Variants in DAGLA observed in about 807,000 individuals in gnomAD.
DAGLA encodes the protein diacylglycerol lipase-alpha.
In DAGLA, 22 loss-of-function variants were observed where a neutral mutation model predicts 102.6. The observed-to-expected ratio is 0.21, with a 90% CI of 0.15 to 0.31. DAGLA has a LOEUF of 0.31. Among genes scored for constraint, DAGLA ranks in the 10% least tolerant of loss-of-function variants. DAGLA has a pLI of 1.00. For synonymous variants in DAGLA, 578 were observed against 628.9 expected (o/e 0.92, Z 1.21); for missense variants, 927 against 1,446.6 (o/e 0.64, Z 5.83).
intron 3 of DAGLA, among the ~76,000 whole-genome samples, chr11:61,721,134 G>A (rs755026340): frequency 2.0e-5 from 3 of 152,210 alleles, no homozygotes; most frequent in Non-Finnish European, 4.4e-5. Context: ...GGTGGCTCAT[G>A]CCTGTAATCC....
intron 1 of DAGLA, among the ~76,000 whole-genome samples, chr11:61,710,247 GGA>G (rs1227039792): frequency 2.6e-5 from 4 of 151,934 alleles, no homozygotes; most frequent in African/African-American, 9.7e-5. Context: ...GGCCATCTGG[GGA>G]GTGAGGTCCC....
intron 1 of DAGLA, among the ~76,000 whole-genome samples, chr11:61,714,792 G>A (rs1334711169): frequency 6.6e-6 from 1 of 152,200 alleles, no homozygotes; most frequent in Non-Finnish European, 1.5e-5. Context: ...TTTTAACTCT[G>A]ACCTTTGTTA....
chr11:61,702,857 G>A (rs2065119726), intron 1 of DAGLA, among the ~76,000 whole-genome samples: 3 of 152,250 alleles, frequency 2.0e-5, no homozygotes, highest in Admixed American at 2.0e-4. Flanking sequence ...CATTACCACA[G>A]GCAAATCACC....
chr11:61,697,889 GTC>G (rs2065079437), intron 1 of DAGLA, among the ~76,000 whole-genome samples: 2 of 152,054 alleles, frequency 1.3e-5, no homozygotes, highest in Non-Finnish European at 2.9e-5. Context: ...GTAGCCAGGT[GTC>G]TCTGCAGTGA....
chr11:61,718,231 C>T (rs1216266737), intron 1 of DAGLA, among the ~76,000 whole-genome samples: 1 of 152,136 alleles, frequency 6.6e-6, no homozygotes, highest in Non-Finnish European at 1.5e-5. Context: ...TCCCTCCTCC[C>T]CTGGTCTGGC....
At chr11:61,727,178 C>A (rs187222170) in intron 6 of DAGLA, among the ~76,000 whole-genome samples, 2 of 152,204 alleles carry the variant, frequency 1.3e-5, no homozygotes, top group African/African-American at 4.8e-5. Context: ...TTTTGATCAG[C>A]GTGTGTTGTG....
intron 1 of DAGLA, among the ~76,000 whole-genome samples, chr11:61,704,122 T>TC (rs1555040982): frequency 1.2e-3 from 3 of 2,486 alleles, no homozygotes; most frequent in South Asian, 0.083. Flanking sequence ...AGAGAATTTC[T>TC]TTTTTTTTTT....
In DAGLA at chr11:61,723,468, T is replaced by C; in HGVS notation, c.444T>C (p.Ser148=). ...TCTGCAACTGGGTAGTCATCCTCAG[T>C]GTGTGCATCACTGTCCTCTGCGTCT... ...MVVCNWVVIL[S]VCITVLCVFD... The change falls in exon 5 of 20, where the codon AGT becomes AGC. Residue 148 remains serine (S), a synonymous_variant. Coordinates refer to ENST00000257215, the MANE Select transcript of DAGLA (RefSeq NM_006133.3). The C allele has an allele frequency of 6.2e-7, 1 of 1,614,046 alleles. No homozygotes were observed. The highest frequency in any genetic ancestry group is 8.5e-7 in the Non-Finnish European group (1 of 1,179,906).
In DAGLA at chr11:61,720,862, C is replaced by T. The variant is rs1206788279; in HGVS notation, c.279C>T (p.Ser93=). Residue 93 remains serine (S), a synonymous_variant, in exon 3 of 20, where the codon TCC becomes TCT. Transcript: ENST00000257215. The part of the protein sequence containing the change: ...GGILYTEPRD[S]MQYVLYVRLA... ...TCCTCTACACGGAGCCCCGTGACTC[C>T]ATGCAGTACGTGCTCTACGTGCGCC... 16 of 1,613,314 alleles carry T rather than the reference C, an allele frequency of 9.9e-6. No individual in the cohort carries two copies. The Admixed American group carries it at 2.0e-4, about 20-fold the overall frequency.
intron 1 of DAGLA, among the ~76,000 whole-genome samples, chr11:61,719,515 T>G (rs898552113): frequency 2.0e-5 from 3 of 152,244 alleles, no homozygotes; most frequent in African/African-American, 7.2e-5. Flanking sequence ...AGCAGGAAAC[T>G]GAAGCCTTCA....
chr11:61,705,709 C>A (rs2065143662), intron 1 of DAGLA, among the ~76,000 whole-genome samples: 1 of 152,236 alleles, frequency 6.6e-6, no homozygotes, highest in South Asian at 2.1e-4. Flanking sequence ...CACCCAATCC[C>A]TGGCACATAG....
intron 6 of DAGLA, among the ~76,000 whole-genome samples, chr11:61,727,381 A>G (rs1436534428): frequency 6.6e-6 from 1 of 152,240 alleles, no homozygotes; most frequent in Non-Finnish European, 1.5e-5. Flanking sequence ...ACAAGTGCCA[A>G]ACACTCAGGG....
intron 2 of DAGLA, 101 bp from the exon 3 acceptor site, chr11:61,720,578 C>A: frequency 8.9e-7 from 1 of 1,117,348 alleles, no homozygotes; most frequent in African/African-American, 1.5e-5. Context: ...GCTGCCAGCC[C>A]TCCTTCCACT....
chr11:61,736,358 A>G lies in DAGLA; in HGVS notation c.1371+8A>G. 1.2e-6 allele frequency: 2 copies of G among 1,612,974 alleles called. No individual in the cohort carries two copies. The highest frequency in any genetic ancestry group is 1.7e-6 in the Non-Finnish European group (2 of 1,179,018). On this transcript the variant is annotated splice_region_variant and intron_variant, in intron 13 of 19. Coordinates refer to ENST00000257215, the MANE Select transcript of DAGLA (RefSeq NM_006133.3). The stretch of plus-strand genomic sequence containing the variant: ...GCCTTTGGGCGAGACCTGGTGAGGA[A>G]TTTTCCATGGCACCAAGCCTTTTCA...
rs2065001609 is a variant in DAGLA, at chr11:61,688,397, G to A, written c.-45+7893G>A. Among the ~76,000 whole-genome samples the A allele has an allele frequency of 2.6e-5, 4 of 152,060 alleles. No homozygotes were observed. The South Asian group carries it at 8.3e-4, about 32-fold the overall frequency. ...ATGAAGGCTGGGAATACTTAAGGCTGGGCACATAAACCCAAGCCAAGGCAT... is the reference window on the plus strand; with the variant it reads ...ATGAAGGCTGGGAATACTTAAGGCTAGGCACATAAACCCAAGCCAAGGCAT... On this transcript the variant is annotated intron_variant, in intron 1 of 19. Coordinates refer to ENST00000257215, the MANE Select transcript of DAGLA (RefSeq NM_006133.3).
intron 1 of DAGLA, among the ~76,000 whole-genome samples, chr11:61,697,319 C>T (rs976317498): frequency 1.6e-4 from 25 of 152,300 alleles, no homozygotes; most frequent in Admixed American, 1.2e-3. Flanking sequence ...GCATAGAAGC[C>T]GGGCCAGGGC....
intron 1 of DAGLA, 85 bp from the exon 2 acceptor site, chr11:61,720,027 G>T: frequency 1.1e-6 from 1 of 895,574 alleles, no homozygotes; most frequent in Non-Finnish European, 1.7e-6. Flanking sequence ...CCACACCGGG[G>T]ACTGGTCCCG....
chr11:61,704,961 G>C (rs1305051211), intron 1 of DAGLA, among the ~76,000 whole-genome samples: 1 of 152,190 alleles, frequency 6.6e-6, no homozygotes, highest in East Asian at 1.9e-4. Context: ...CTGCTCCTGA[G>C]TGGGACTCCT....
chr11:61,713,982 C>G (rs2065214845), intron 1 of DAGLA, among the ~76,000 whole-genome samples: 1 of 152,210 alleles, frequency 6.6e-6, no homozygotes, highest in African/African-American at 2.4e-5. Context: ...AAATGGGAGT[C>G]CTGGGCTCTC....
Sources: allele counts gnomAD v4.1 joint callset (sites outside exome capture counted in the v4.1 genomes callset), GRCh38; gene constraint gnomAD v4.1.1; transcripts MANE v1.5; gene names NCBI Gene and HGNC (gene_info 2026-07-23, HGNC 2026-07-21).